TENM3: variants seen among roughly 807,000 people sequenced by gnomAD.
TENM3 encodes teneurin-3.
A neutral mutation model predicts 255.1 loss-of-function variants in TENM3; 63 were observed. That is an observed-to-expected ratio of 0.25 (90% CI 0.20 to 0.30). TENM3 has a LOEUF of 0.30. Among genes scored for constraint, TENM3 ranks in the 10% least tolerant of loss-of-function variants. TENM3 has a pLI of 1.00. For synonymous variants in TENM3, 1,306 were observed against 1,322.3 expected (o/e 0.99, Z 0.27); for missense variants, 2,929 against 3,461.1 (o/e 0.85, Z 3.86).
chr4:182,613,260 A>T (rs1749176456), intron 4 of TENM3, among the ~76,000 whole-genome samples: 1 of 152,214 alleles, frequency 6.6e-6, no homozygotes, highest in Admixed American at 6.5e-5. Flanking sequence ...ATATGAAAAC[A>T]TGTAAGAATA....
At chr4:182,645,412 T>C (rs1208699125) in intron 5 of TENM3, among the ~76,000 whole-genome samples, 1 of 152,118 alleles carries the variant, frequency 6.6e-6, no homozygotes, top group African/African-American at 2.4e-5. Context: ...GGAAGGACTT[T>C]GGCAAATGTC....
chr4:182,531,981 C>T lies in TENM3; in HGVS notation c.512-68943C>T, dbSNP rs76408998. Among the ~76,000 whole-genome samples, 1,011 of 152,278 alleles carry T rather than the reference C, an allele frequency of 6.6e-3. 12 individuals are homozygous for T. Among genetic ancestry groups the T allele is most frequent in the African/African-American group, 0.023 (939 of 41,558 alleles). On this transcript the variant is annotated intron_variant, in intron 3 of 27. Coordinates refer to ENST00000511685, the MANE Select transcript of TENM3 (RefSeq NM_001080477.4). Reference sequence around the variant, plus strand: ...GCCTTGCAAGCAGGCCTTTTAAAGCCGTCTCGGGACTGCTATGTGAACTCT... The same window carrying T: ...GCCTTGCAAGCAGGCCTTTTAAAGCTGTCTCGGGACTGCTATGTGAACTCT...
chr4:182,139,111 G>C (rs1188235401), upstream of TENM3, among the ~76,000 whole-genome samples: 1 of 152,094 alleles, frequency 6.6e-6, no homozygotes, highest in African/African-American at 2.4e-5. Context: ...TGTGTCCAAA[G>C]AGGCATAAGG....
chr4:181,529,182 G>A, the TENM3 span, among the ~76,000 whole-genome samples: 2 of 152,306 alleles, frequency 1.3e-5, no homozygotes, highest in East Asian at 1.9e-4. Context: ...CCAGCTGTTA[G>A]TGCAGTGGAG....
chr4:182,076,223 T>A, the TENM3 span, among the ~76,000 whole-genome samples: 1 of 150,384 alleles, frequency 6.6e-6, no homozygotes, highest in Admixed American at 6.6e-5. Context: ...CTTTTTTTTT[T>A]TTTTTTTTTT....
intron 1 of TENM3, among the ~76,000 whole-genome samples, chr4:182,262,720 CTTT>C (rs535703415): frequency 6.0e-5 from 8 of 133,272 alleles, no homozygotes; most frequent in Middle Eastern, 3.9e-3. Flanking sequence ...CCTTTACTTT[CTTT>C]TTTTTTTTTT....
At chr4:181,927,173 C>T in the TENM3 span, among the ~76,000 whole-genome samples, 1 of 152,142 alleles carries the variant, frequency 6.6e-6, no homozygotes, top group Non-Finnish European at 1.5e-5. Flanking sequence ...CCGTTCACTT[C>T]CCCAGAAAAG....
chr4:182,575,837 T>C (rs1378441324), intron 3 of TENM3, among the ~76,000 whole-genome samples: 2 of 152,212 alleles, frequency 1.3e-5, no homozygotes, highest in Non-Finnish European at 2.9e-5. Context: ...TTTCTGTCCT[T>C]AAGGTTTTCA....
intron 1 of TENM3, among the ~76,000 whole-genome samples, chr4:182,278,367 C>T (rs1244112765): frequency 3.3e-5 from 5 of 149,714 alleles, no homozygotes; most frequent in Non-Finnish European, 7.4e-5. Context: ...AATTCCATCT[C>T]AAAAACAAAA....
chr4:182,764,764 C>T (rs531575472), intron 22 of TENM3, among the ~76,000 whole-genome samples: 3 of 152,244 alleles, frequency 2.0e-5, no homozygotes, highest in Admixed American at 1.3e-4. Context: ...TGCACCGCTA[C>T]GTGAAGAGCT....
intron 3 of TENM3, among the ~76,000 whole-genome samples, chr4:182,437,391 G>C (rs891246839): frequency 1.3e-5 from 2 of 152,148 alleles, no homozygotes; most frequent in African/African-American, 4.8e-5. Context: ...GCTCACTCCT[G>C]TAATCCCAGC....
chr4:182,800,419 G>A lies in TENM3; in HGVS notation c.*68G>A, dbSNP rs1766863501. 1 of 1,474,050 alleles carries A rather than the reference G, an allele frequency of 6.8e-7. No individual in the cohort carries two copies. The highest frequency in any genetic ancestry group is 9.0e-7 in the Non-Finnish European group (1 of 1,112,976). The allele number at this position is 1,474,050 out of a possible 1,614,324, so 91.3% of individuals were successfully genotyped here. A position where few individuals can be genotyped will look rare whatever the true frequency, so the allele number is the denominator to read the frequency against. On this transcript the variant is annotated 3_prime_UTR_variant, in exon 28 of 28. Transcript: ENST00000511685. Reference sequence around the variant, plus strand: ...TTGTCCTGTGGCACAACCCGAGTGGGACTCTCCAACGCCCAAGAGCCTTCC... The same window carrying A: ...TTGTCCTGTGGCACAACCCGAGTGGAACTCTCCAACGCCCAAGAGCCTTCC...
At position 182,789,150 on chromosome 4, in the gene TENM3, A is replaced by T; in HGVS notation, c.5362A>T (p.Ile1788Phe). 6.2e-7 allele frequency: 1 copy of T among 1,612,606 alleles called. No homozygotes were observed. Among genetic ancestry groups the T allele is most frequent in the Non-Finnish European group, 8.5e-7 (1 of 1,179,374 alleles). The change falls in exon 25 of 28, where the codon ATC (isoleucine) becomes TTC (phenylalanine). Residue 1788 changes from isoleucine (I) to phenylalanine (F), a missense_variant. Transcript: ENST00000511685. The surrounding 1 kb of genome is among the most constrained non-coding windows in gnomAD (Gnocchi z 4.4). The stretch of plus-strand genomic sequence containing the variant: ...TGATCGAACAACAAAGACAGAAAAG[A>T]TCTATGACGACCACCGTAAATTTCT... Reference protein sequence around the residue: ...DFDRTTKTEKIYDDHRKFLLR... With the variant: ...DFDRTTKTEKFYDDHRKFLLR...
rs117848069 is a variant in TENM3, at chr4:182,537,783, G to C, written c.512-63141G>C. ...TTTCTGTGGATACGTTTGTGTCCCTGTCTCTGTGTTTTGTTCATGCTGCAG... is the reference window on the plus strand; with the variant it reads ...TTTCTGTGGATACGTTTGTGTCCCTCTCTCTGTGTTTTGTTCATGCTGCAG... On this transcript the variant is annotated intron_variant, in intron 3 of 27. Transcript: ENST00000511685. Among the ~76,000 whole-genome samples, 330 of 152,288 alleles carry C rather than the reference G, an allele frequency of 2.2e-3. 6 individuals are homozygous for C. In the East Asian group the frequency reaches 0.048, roughly 22 times the overall value.
At chr4:181,889,614 C>T in the TENM3 span, among the ~76,000 whole-genome samples, 1 of 152,062 alleles carries the variant, frequency 6.6e-6, no homozygotes, top group African/African-American at 2.4e-5. Flanking sequence ...CTTGAACGGG[C>T]AATAATTATA....
intron 3 of TENM3, among the ~76,000 whole-genome samples, chr4:182,554,468 A>G (rs1295769454): frequency 1.3e-5 from 2 of 152,226 alleles, no homozygotes; most frequent in Non-Finnish European, 2.9e-5. Context: ...ATAGTAATGT[A>G]AATGCATCAG....
At chr4:182,699,610 C>T (rs1286418742) in intron 12 of TENM3, among the ~76,000 whole-genome samples, 2 of 152,066 alleles carry the variant, frequency 1.3e-5, no homozygotes, top group African/African-American at 2.4e-5. Context: ...GTATTCATGC[C>T]TGTGGTTTCC....
chr4:181,991,761 G>A, the TENM3 span, among the ~76,000 whole-genome samples: 1 of 152,084 alleles, frequency 6.6e-6, no homozygotes, highest in African/African-American at 2.4e-5. Flanking sequence ...AGCATTGAAG[G>A]GGTTACCTCT....
At chr4:182,148,515 A>T (rs561997789) in intron 1 of TENM3, among the ~76,000 whole-genome samples, 1 of 152,116 alleles carries the variant, frequency 6.6e-6, no homozygotes, top group South Asian at 2.1e-4. Flanking sequence ...TTTCTTGCCC[A>T]TCAAAGGATT....
Sources: allele counts gnomAD v4.1 joint callset (sites outside exome capture counted in the v4.1 genomes callset), GRCh38; gene constraint gnomAD v4.1.1; non-coding constraint Gnocchi (gnomAD v3.1); transcripts MANE v1.5; gene names NCBI Gene and HGNC (gene_info 2026-07-23, HGNC 2026-07-21).